YTHDC2: variants seen among roughly 807,000 people sequenced by gnomAD.
YTHDC2 encodes the protein YTH N6-methyladenosine RNA binding protein C2.
A neutral mutation model predicts 174.9 loss-of-function variants in YTHDC2; 45 were observed. The ratio of observed to expected loss-of-function variants is 0.26; its 90% CI spans 0.20 to 0.33. The LOEUF (loss-of-function observed/expected upper bound fraction) is 0.33, where lower values mean the gene tolerates loss of function less well. Ranked by LOEUF, YTHDC2 falls within the 10% of genes least tolerant of loss-of-function variation. The pLI is 1.00. For synonymous variants in YTHDC2, 657 were observed against 574.5 expected (o/e 1.14, Z -2.05); for missense variants, 1,650 against 1,723.7 (o/e 0.96, Z 0.76).
At chr5:113,581,789 T>G in intron 25 of YTHDC2, 80 bp downstream of exon 25, 1 of 1,200,380 alleles carries the variant, frequency 8.3e-7, no homozygotes, top group Non-Finnish European at 1.1e-6. Context: ...CATGTGCTTT[T>G]ATAATATTTA....
intron 10 of YTHDC2, among the ~76,000 whole-genome samples, 184 bp from the exon 11 acceptor site, chr5:113,548,357 C>G (rs1349279793): frequency 6.6e-6 from 1 of 152,130 alleles, no homozygotes; most frequent in Admixed American, 6.6e-5. Context: ...CTAGACATAT[C>G]ATAACAGATT....
At chr5:113,566,041 G>T in intron 21 of YTHDC2, 22 bp downstream of exon 21, 1 of 1,584,054 alleles carries the variant, frequency 6.3e-7, no homozygotes. Context: ...CCCTCAAAGA[G>T]CCTATTTAAG....
At chr5:113,575,758 A>C (rs1778003637) in intron 23 of YTHDC2, among the ~76,000 whole-genome samples, 2 of 152,192 alleles carry the variant, frequency 1.3e-5, no homozygotes. Context: ...GTGTTCCAAA[A>C]GGTCATTTTG....
At chr5:113,578,256 A>G (rs1430387503) in intron 23 of YTHDC2, among the ~76,000 whole-genome samples, 1 of 151,912 alleles carries the variant, frequency 6.6e-6, no homozygotes, top group African/African-American at 2.4e-5. Context: ...GCAGTGGTGC[A>G]GTAGTCATAG....
chr5:113,567,903 C>G, intron 23 of YTHDC2, 54 bp downstream of exon 23: 3 of 1,295,828 alleles, frequency 2.3e-6, no homozygotes, highest in Non-Finnish European at 3.1e-6. Flanking sequence ...TTTTTTTTAC[C>G]AAATAATGAA....
Position 113,593,551 on chromosome 5 carries a change from G to T in YTHDC2, c.*77G>T. On this transcript the variant is annotated 3_prime_UTR_variant, in exon 30 of 30. Coordinates refer to ENST00000161863, the MANE Select transcript of YTHDC2 (RefSeq NM_022828.5). ...AATGCACTGACTTTCAAAAACTGAGGTGGGGTGTGTGTTACGAATGGGCTT... is the reference window on the plus strand; with the variant it reads ...AATGCACTGACTTTCAAAAACTGAGTTGGGGTGTGTGTTACGAATGGGCTT... The T allele has an allele frequency of 1.9e-6, 1 of 537,648 alleles. No homozygotes were observed. The highest frequency in any genetic ancestry group is 3.2e-6 in the Non-Finnish European group (1 of 308,304). The allele number at this position is 537,648 out of a possible 1,614,324, so 33.3% of individuals were successfully genotyped here.
chr5:113,546,388 A>C (rs1561655345), intron 10 of YTHDC2, among the ~76,000 whole-genome samples: 1 of 152,208 alleles, frequency 6.6e-6, no homozygotes, highest in African/African-American at 2.4e-5. Context: ...TAATGTTTTA[A>C]GCCATGTGAG....
At chr5:113,573,905 A>G (rs1777882677) in intron 23 of YTHDC2, among the ~76,000 whole-genome samples, 2 of 152,162 alleles carry the variant, frequency 1.3e-5, no homozygotes, top group Non-Finnish European at 2.9e-5. Flanking sequence ...GGGTTACAAT[A>G]TGCTTCTTTA....
chr5:113,519,696 G>A (rs1466193785), intron 2 of YTHDC2, among the ~76,000 whole-genome samples: 1 of 152,128 alleles, frequency 6.6e-6, no homozygotes, highest in African/African-American at 2.4e-5. Flanking sequence ...CCTTGAGGAG[G>A]CAGGAGCAAA....
In YTHDC2 at chr5:113,526,697, T is replaced by C; in HGVS notation, c.587T>C (p.Phe196Ser). Residue 196 changes from phenylalanine (F) to serine (S), a missense_variant, in exon 4 of 30, where the codon TTT becomes TCT. Phe to Ser is a radical substitution (Grantham distance 155). Around this residue, in one of 5 missense-constraint regions of YTHDC2, gnomAD observed 304 missense variants for 341.4 expected, o/e 0.89. Coordinates refer to ENST00000161863, the MANE Select transcript of YTHDC2 (RefSeq NM_022828.5). ...TCTTTTAGGCAGTCTTTACCAGTGT[T>C]TGAGAAACAGGAAGAAATTGTTAAA... Reference protein sequence around the residue: ...FDSFRQSLPVFEKQEEIVKII... With the variant: ...FDSFRQSLPVSEKQEEIVKII... 6.3e-7 allele frequency: 1 copy of C among 1,587,592 alleles called. No homozygotes were observed. The highest frequency in any genetic ancestry group is 8.6e-7 in the Non-Finnish European group (1 of 1,165,850).
At position 113,513,912 on chromosome 5, in the gene YTHDC2, G is replaced by A; in HGVS notation, c.17G>A (p.Ser6Asn). MSRPS[S>N]VSPRQPAPGG... ...TTCAGGGCAATGTCCAGGCCGAGCA[G>A]CGTCTCCCCGCGGCAGCCGGCTCCT... The change falls in exon 1 of 30, where the codon AGC becomes AAC. Residue 6 changes from serine (S) to asparagine (N), a missense_variant. Ser to Asn is a conservative substitution (Grantham distance 46, BLOSUM62 1). Around this residue, in one of 5 missense-constraint regions of YTHDC2, gnomAD observed 304 missense variants for 341.4 expected, o/e 0.89. Transcript: ENST00000161863. 6.2e-7 allele frequency: 1 copy of A among 1,605,168 alleles called. No individual in the cohort carries two copies. Among genetic ancestry groups the A allele is most frequent in the Non-Finnish European group, 8.5e-7 (1 of 1,176,576 alleles).
chr5:113,521,746 A>G (rs1467701756), intron 2 of YTHDC2, among the ~76,000 whole-genome samples: 1 of 149,278 alleles, frequency 6.7e-6, no homozygotes, highest in Non-Finnish European at 1.5e-5. Flanking sequence ...AAAAAAAAGA[A>G]AAAAAACCCA....
Position 113,553,676 on chromosome 5 carries a change from A to G in YTHDC2, c.1954A>G (p.Ser652Gly), listed in dbSNP as rs976376716. ...ILFDDKRFAD[S>G]THRYQVFMLH... ...GTTTGATGACAAGCGGTTTGCTGAC[A>G]GTACACATAGGTAAGGGCTAAAGCC... Residue 652 changes from serine to glycine, a missense_variant, in exon 14 of 30, where the codon AGT (serine) becomes GGT (glycine). Ser to Gly is a moderately conservative substitution (Grantham distance 56). Coordinates refer to ENST00000161863, the MANE Select transcript of YTHDC2 (RefSeq NM_022828.5). 4 of 1,613,546 alleles carry G rather than the reference A, an allele frequency of 2.5e-6. No homozygotes were observed.
intron 10 of YTHDC2, among the ~76,000 whole-genome samples, chr5:113,545,573 G>A (rs138981731): frequency 6.6e-6 from 1 of 151,892 alleles, no homozygotes; most frequent in Non-Finnish European, 1.5e-5. Flanking sequence ...TGCAAAACCT[G>A]TTTCTCTTCT....
At chr5:113,577,984 A>G (rs1221880424) in intron 23 of YTHDC2, among the ~76,000 whole-genome samples, 1 of 152,172 alleles carries the variant, frequency 6.6e-6, no homozygotes, top group Admixed American at 6.5e-5. Context: ...TATTACCTTC[A>G]GGTGGTAATA....
Position 113,532,973 on chromosome 5 carries a change from C to T in YTHDC2, c.770C>T (p.Ala257Val), listed in dbSNP as rs756665661. 7.4e-6 allele frequency: 12 copies of T among 1,614,144 alleles called. No individual in the cohort carries two copies. Among genetic ancestry groups the T allele is most frequent in the Non-Finnish European group, 1.0e-5 (12 of 1,180,030 alleles). Residue 257 changes from alanine to valine, a missense_variant, in exon 5 of 30, where the codon GCT (alanine) becomes GTT (valine). By Grantham distance (64) the Ala-to-Val change is moderately conservative (BLOSUM62 0). This residue lies in a region of YTHDC2 where 304 missense variants were observed against 341.4 expected (regional missense o/e 0.89). Coordinates refer to ENST00000161863, the MANE Select transcript of YTHDC2 (RefSeq NM_022828.5). ...QPRRLAAIAV[A>V]ERVAAERRER... ...AGACGATTGGCAGCTATCGCTGTGG[C>T]TGAAAGAGTTGCCGCAGAGAGACGG...
chr5:113,590,291 A>T (rs1351181300), intron 26 of YTHDC2, among the ~76,000 whole-genome samples: 1 of 152,206 alleles, frequency 6.6e-6, no homozygotes, highest in Non-Finnish European at 1.5e-5. Context: ...AATGGGCCAG[A>T]GCAGTCTTTA....
intron 2 of YTHDC2, among the ~76,000 whole-genome samples, chr5:113,518,203 T>TG (rs1348761159): frequency 2.7e-5 from 4 of 150,414 alleles, no homozygotes; most frequent in Admixed American, 2.0e-4. Flanking sequence ...TTGTTTTTTT[T>TG]TTTTTTTGGA....
chr5:113,577,274 G>T (rs1778116367), intron 23 of YTHDC2, among the ~76,000 whole-genome samples: 1 of 152,056 alleles, frequency 6.6e-6, no homozygotes, highest in Non-Finnish European at 1.5e-5. Flanking sequence ...CTGTTATTGA[G>T]CTATTGTTTG....
Sources: allele counts gnomAD v4.1 joint callset (sites outside exome capture counted in the v4.1 genomes callset), GRCh38; gene constraint gnomAD v4.1.1; regional missense constraint gnomAD v4.1.1; transcripts MANE v1.5; gene names NCBI Gene and HGNC (gene_info 2026-07-23, HGNC 2026-07-21).